RPAP1: variants seen among roughly 807,000 people sequenced by gnomAD.
RPAP1 encodes the protein RNA polymerase II associated protein 1.
Under a neutral mutation model 142.4 loss-of-function variants are expected in RPAP1, and 109 were observed. The ratio of observed to expected loss-of-function variants is 0.77; its 90% CI spans 0.66 to 0.90. The LOEUF (loss-of-function observed/expected upper bound fraction) is 0.90. RPAP1 is among the 40% of genes least tolerant of loss of function. The pLI, the probability that RPAP1 is intolerant of heterozygous loss-of-function variation, is 0.00. For missense variants in RPAP1, 1,546 were observed against 1,751.7 expected, an observed-to-expected ratio of 0.88 and a Z score of 2.10; for synonymous variants, 704 against 738.9, an observed-to-expected ratio of 0.95 and a Z score of 0.77.
At chr15:41,540,824 T>G (rs897385440) in intron 1 of RPAP1, among the ~76,000 whole-genome samples, 3 of 152,098 alleles carry the variant, frequency 2.0e-5, no homozygotes, top group Admixed American at 2.0e-4. Flanking sequence ...AAGAATCTCC[T>G]GAAGAGCAAA....
rs1482719550 is a variant in RPAP1, at chr15:41,521,013, C to T, written c.3173G>A (p.Cys1058Tyr). The change falls in exon 22 of 25, where the codon TGC (cysteine) becomes TAC (tyrosine). Residue 1058 changes from cysteine to tyrosine, a missense_variant. Cys to Tyr is a radical substitution (Grantham distance 194). Coordinates refer to ENST00000304330, the MANE Select transcript of RPAP1 (RefSeq NM_015540.4). ...ACQDLPSIRN[C>Y]YLTHCSPARA... ...GGCTGGCGAGCAATGAGTCAGGTAG[C>T]AGTTGCGGATGCTGGGGAGGTCCTG... is the stretch of plus-strand genomic sequence containing the variant. 6.2e-7 allele frequency: 1 copy of T among 1,604,680 alleles called. No homozygotes were observed. Among genetic ancestry groups the T allele is most frequent in the Admixed American group, 1.7e-5 (1 of 59,434 alleles).
chr15:41,529,667 T>C, intron 8 of RPAP1, 99 bp from the exon 9 acceptor site: 1 of 958,372 alleles, frequency 1.0e-6, no homozygotes, highest in South Asian at 1.5e-5. Context: ...ACTTAGGTAC[T>C]GACTCTACTT....
chr15:41,535,280 C>T (rs893563230), intron 5 of RPAP1, among the ~76,000 whole-genome samples: 2 of 152,154 alleles, frequency 1.3e-5, no homozygotes, highest in African/African-American at 4.8e-5. Context: ...ACAGTCTCTG[C>T]CAGACACTTC....
Position 41,525,122 on chromosome 15 carries a change from G to A in RPAP1, c.1944C>T (p.Arg648=). The A allele has an allele frequency of 6.2e-7, 1 of 1,612,732 alleles. No individual in the cohort carries two copies. The highest frequency in any genetic ancestry group is 8.5e-7 in the Non-Finnish European group (1 of 1,179,432). The part of the protein sequence containing the change: ...RLLSSFDLRS[R]LCRIIAEAPQ... Reference sequence around the variant, plus strand: ...GAGCCTCAGCTATGATGCGGCACAGGCGGCTCCGGAGATCAAAGCTGCTCA... The same window carrying A: ...GAGCCTCAGCTATGATGCGGCACAGACGGCTCCGGAGATCAAAGCTGCTCA... The change falls in exon 15 of 25, where the codon CGC becomes CGT. Residue 648 remains arginine (R), a synonymous_variant. Transcript: ENST00000304330.
Position 41,520,398 on chromosome 15 carries a change from A to G in RPAP1, c.3788T>C (p.Leu1263Pro), listed in dbSNP as rs2051711689. Residue 1263 changes from leucine to proline, a missense_variant, in exon 22 of 25, where the codon CTG becomes CCG. Around this residue, in one of 3 missense-constraint regions of RPAP1, gnomAD observed 210 missense variants for 248.0 expected, o/e 0.85. Transcript: ENST00000304330. ...VGALRALSLP[L>P]TQLPVSLECY... ...GCTGGGCTGAGAAAGTACCTGGGTC[A>G]GAGGCAGGCTCAGAGCTCGCAAGGC... is the stretch of plus-strand genomic sequence containing the variant. 6.2e-7 allele frequency: 1 copy of G among 1,613,460 alleles called. No homozygotes were observed. The highest frequency in any genetic ancestry group is 1.3e-5 in the African/African-American group (1 of 74,930).
chr15:41,537,208 G>A lies in RPAP1; in HGVS notation c.-76-7C>T. 1 of 1,389,764 alleles carries A rather than the reference G, an allele frequency of 7.2e-7. No homozygotes were observed. The highest frequency in any genetic ancestry group is 2.5e-5 in the East Asian group (1 of 40,276). The allele number at this position is 1,389,764 out of a possible 1,614,324, so 86.1% of individuals were successfully genotyped here. ...GGTTCCCTCTTATTCATCCCTAAGA[G>A]CAAGAAAGAATATGGGCCCTCTGCA... On this transcript the variant is annotated splice_region_variant and splice_polypyrimidine_tract_variant and intron_variant, in intron 1 of 24. Transcript: ENST00000304330.
chr15:41,528,919 C>T (rs377296075), intron 9 of RPAP1, among the ~76,000 whole-genome samples: 2 of 151,802 alleles, frequency 1.3e-5, no homozygotes, highest in Non-Finnish European at 1.5e-5. Context: ...GGCAGGGGGG[C>T]GGAGAATGGA....
chr15:41,521,234 C>G, intron 21 of RPAP1, 87 bp from the exon 22 acceptor site: 1 of 1,348,608 alleles, frequency 7.4e-7, no homozygotes, highest in East Asian at 2.3e-5. Context: ...CCTGGAGGCT[C>G]CTAGGTCCAG....
In RPAP1 at chr15:41,543,071, C is replaced by A. The variant is rs1278141667; in HGVS notation, c.-77+1148G>T. Among the ~76,000 whole-genome samples, 4 of 152,154 alleles carry A rather than the reference C, an allele frequency of 2.6e-5. No homozygotes were observed. In the East Asian group the frequency reaches 5.8e-4, roughly 22 times the overall value. ...GCTCACTTCATAGGGTGCGCCATAC[C>A]TACATCACAAAGAGAGCCAGGGGGT... is the stretch of plus-strand genomic sequence containing the variant. On this transcript the variant is annotated intron_variant, in intron 1 of 24. Transcript: ENST00000304330.
At position 41,527,856 on chromosome 15, in the gene RPAP1, G is replaced by A; in HGVS notation, c.1428+4C>T. On this transcript the variant is annotated splice_donor_region_variant and intron_variant, in intron 11 of 24. Transcript: ENST00000304330. ...CCCAAGCCCCATTCCTATCCCTGTG[G>A]TACCTCATCTCCAGGAGCCACCAGC... 6.2e-7 allele frequency: 1 copy of A among 1,614,040 alleles called. No individual in the cohort carries two copies. Among genetic ancestry groups the A allele is most frequent in the Non-Finnish European group, 8.5e-7 (1 of 1,179,976 alleles).
rs1566890123 is a variant in RPAP1, at chr15:41,537,033, C to T, written c.93G>A (p.Gln31=). 1.9e-6 allele frequency: 3 copies of T among 1,614,030 alleles called. No homozygotes were observed. The highest frequency in any genetic ancestry group is 2.5e-6 in the Non-Finnish European group (3 of 1,179,902). ...FLAAGAAPAV[Q]LVKKGNRGGG... Reference sequence around the variant, plus strand: ...CGCCCCTATTTCCTTTCTTCACCAACTGCACTGCTGGGGCTGCACCAGCTG... The same window carrying T: ...CGCCCCTATTTCCTTTCTTCACCAATTGCACTGCTGGGGCTGCACCAGCTG... The change falls in exon 2 of 25, where the codon CAG becomes CAA. Residue 31 remains glutamine, a synonymous_variant. Transcript: ENST00000304330.
chr15:41,536,405 G>T, intron 3 of RPAP1, 96 bp downstream of exon 3: 1 of 1,509,732 alleles, frequency 6.6e-7, no homozygotes, highest in East Asian at 2.3e-5. Context: ...CTACCTTTCT[G>T]AAGCACCCTC....
chr15:41,525,176 G>C, intron 14 of RPAP1, 28 bp from the exon 15 acceptor site: 1 of 1,572,670 alleles, frequency 6.4e-7, no homozygotes, highest in Non-Finnish European at 8.6e-7. Flanking sequence ...CTGAGGATCA[G>C]GGTCAGCTGT....
At position 41,523,958 on chromosome 15, in the gene RPAP1, G is replaced by A; in HGVS notation, c.2249C>T (p.Ala750Val). 6.2e-7 allele frequency: 1 copy of A among 1,612,886 alleles called. No individual in the cohort carries two copies. The change falls in exon 17 of 25, where the codon GCC (alanine) becomes GTC (valine). Residue 750 changes from alanine to valine, a missense_variant. By Grantham distance (64) the Ala-to-Val change is moderately conservative. Around this residue, in one of 3 missense-constraint regions of RPAP1, gnomAD observed 1,333 missense variants for 1,486.6 expected, o/e 0.90. Transcript: ENST00000304330. Reference sequence around the variant, plus strand: ...TAAGGAAGGGGTGGCCGAGAGGCTGGCCTCAGCAGAATCACTACAAAAGTG... The same window carrying A: ...TAAGGAAGGGGTGGCCGAGAGGCTGACCTCAGCAGAATCACTACAAAAGTG... ...PAETISDSAE[A>V]SLSATPSLVT...
At chr15:41,528,748 C>T (rs2051820132) in intron 9 of RPAP1, among the ~76,000 whole-genome samples, 1 of 152,076 alleles carries the variant, frequency 6.6e-6, no homozygotes, top group South Asian at 2.1e-4. Flanking sequence ...GGAGGCAGAG[C>T]AGCAGGGTCA....
chr15:41,536,037 T>G (rs746275085), intron 4 of RPAP1, 92 bp downstream of exon 4: 36 of 891,226 alleles, frequency 4.0e-5, no homozygotes, highest in Non-Finnish European at 5.8e-5. Context: ...ATTAAATTGC[T>G]TATCATCATT....
intron 1 of RPAP1, among the ~76,000 whole-genome samples, chr15:41,537,913 G>A (rs2051929354): frequency 6.6e-6 from 1 of 150,588 alleles, no homozygotes; most frequent in Admixed American, 6.6e-5. Flanking sequence ...GTATGTCTAT[G>A]CACTAGCAAA....
intron 22 of RPAP1, among the ~76,000 whole-genome samples, chr15:41,519,269 A>G (rs569271213): frequency 1.3e-5 from 2 of 151,434 alleles, no homozygotes; most frequent in East Asian, 3.9e-4. Flanking sequence ...GTGCAGTGGT[A>G]TGATCTCGGC....
intron 6 of RPAP1, 129 bp downstream of exon 6, chr15:41,534,583 CAA>C (rs764568682): frequency 0.12 from 20,238 of 171,872 alleles, no homozygotes; most frequent in South Asian, 0.14. Flanking sequence ...AAGACCATCT[CAA>C]AAAAAAAAAA....
Sources: allele counts gnomAD v4.1 joint callset (sites outside exome capture counted in the v4.1 genomes callset), GRCh38; gene constraint gnomAD v4.1.1; regional missense constraint gnomAD v4.1.1; transcripts MANE v1.5; gene names NCBI Gene and HGNC (gene_info 2026-07-23, HGNC 2026-07-21).